CNTN5: variants seen among roughly 807,000 people sequenced by gnomAD.
The protein encoded by CNTN5 is contactin 5, also known as contactin-5.
CNTN5 carries 77 observed loss-of-function variants against 129.1 expected under a neutral mutation model. The ratio of observed to expected loss-of-function variants is 0.60; its 90% CI spans 0.50 to 0.72. The LOEUF is 0.72. Among genes scored for constraint, CNTN5 ranks in the 30% least tolerant of loss-of-function variants. CNTN5 has a pLI of 0.00. For synonymous variants in CNTN5, 509 were observed against 465.6 expected (o/e 1.09, Z -1.20); for missense variants, 1,478 against 1,328.8 (o/e 1.11, Z -1.75).
chr11:99,228,112 A>G (rs1322563596), intron 1 of CNTN5, among the ~76,000 whole-genome samples: 1 of 152,168 alleles, frequency 6.6e-6, no homozygotes, highest in Non-Finnish European at 1.5e-5. Flanking sequence ...ATTCTGACAC[A>G]TAACCATAAT....
chr11:99,325,933 A>T (rs1197903661), intron 2 of CNTN5, among the ~76,000 whole-genome samples: 1 of 152,198 alleles, frequency 6.6e-6, no homozygotes, highest in African/African-American at 2.4e-5. Context: ...AAGTTAAATA[A>T]GCAGGAAGTC....
chr11:100,174,704 A>C (rs551294090), intron 13 of CNTN5, among the ~76,000 whole-genome samples: 1 of 152,224 alleles, frequency 6.6e-6, no homozygotes, highest in East Asian at 1.9e-4. Flanking sequence ...TCCAGCTGAC[A>C]AAAAGGCGGC....
At chr11:99,863,605 A>G (rs1332309036) in intron 6 of CNTN5, among the ~76,000 whole-genome samples, 1 of 152,150 alleles carries the variant, frequency 6.6e-6, no homozygotes, top group Non-Finnish European at 1.5e-5. Context: ...GCCTATTGTA[A>G]TTAATTGTTG....
At chr11:99,470,946 A>C (rs1945147983) in intron 2 of CNTN5, among the ~76,000 whole-genome samples, 1 of 152,036 alleles carries the variant, frequency 6.6e-6, no homozygotes, top group Non-Finnish European at 1.5e-5. Context: ...TATTCCTGTA[A>C]GTCTTCATTA....
intron 3 of CNTN5, among the ~76,000 whole-genome samples, chr11:99,683,074 T>C (rs532139487): frequency 6.6e-6 from 1 of 152,080 alleles, no homozygotes; most frequent in East Asian, 1.9e-4. Context: ...GTTGATTTCA[T>C]GTATTGTAAA....
intron 1 of CNTN5, among the ~76,000 whole-genome samples, chr11:99,314,385 T>A (rs1286700015): frequency 6.6e-6 from 1 of 152,224 alleles, no homozygotes; most frequent in East Asian, 1.9e-4. Context: ...TGAAGTGCCA[T>A]TTCATTTATT....
At chr11:99,715,593 A>G (rs1409436645) in intron 3 of CNTN5, among the ~76,000 whole-genome samples, 5 of 152,020 alleles carry the variant, frequency 3.3e-5, no homozygotes, top group Middle Eastern at 3.2e-3. Context: ...ATACTCCCCA[A>G]AATGTCTAGG....
At chr11:100,134,516 G>A (rs577027498) in intron 13 of CNTN5, among the ~76,000 whole-genome samples, 34 of 152,228 alleles carry the variant, frequency 2.2e-4, no homozygotes, top group African/African-American at 6.3e-4. Flanking sequence ...TGATAAACTG[G>A]AGTTTTATTA....
intron 1 of CNTN5, among the ~76,000 whole-genome samples, chr11:99,127,657 G>A (rs936511489): frequency 1.1e-4 from 17 of 151,976 alleles, no homozygotes; most frequent in East Asian, 5.8e-4. Flanking sequence ...CTATTCCTTC[G>A]GCTCTTTGCA....
At chr11:100,258,998 G>A (rs1950139621) in intron 17 of CNTN5, among the ~76,000 whole-genome samples, 1 of 152,084 alleles carries the variant, frequency 6.6e-6, no homozygotes, top group Non-Finnish European at 1.5e-5. Flanking sequence ...GACACAGACT[G>A]GCAAATTGGA....
intron 10 of CNTN5, among the ~76,000 whole-genome samples, chr11:100,065,967 C>T (rs936387868): frequency 6.6e-6 from 1 of 151,866 alleles, no homozygotes; most frequent in East Asian, 1.9e-4. Flanking sequence ...ATTGTTGATT[C>T]CTGGTTAATA....
chr11:99,039,137 T>G (rs1381637027), intron 1 of CNTN5, among the ~76,000 whole-genome samples: 1 of 152,162 alleles, frequency 6.6e-6, no homozygotes, highest in Non-Finnish European at 1.5e-5. Context: ...GTCCATTAAT[T>G]CAATTTCATA....
chr11:99,232,704 A>C (rs1038040592), intron 1 of CNTN5, among the ~76,000 whole-genome samples: 1 of 152,166 alleles, frequency 6.6e-6, no homozygotes, highest in African/African-American at 2.4e-5. Context: ...AGGGATATAA[A>C]TATTTTATAA....
chr11:99,113,498 A>G (rs978046648), intron 1 of CNTN5, among the ~76,000 whole-genome samples: 15 of 152,218 alleles, frequency 9.9e-5, no homozygotes, highest in Non-Finnish European at 2.1e-4. Flanking sequence ...ACTGTTGGCA[A>G]CTAAGACTCA....
chr11:99,857,031 T>C (rs1281375508), intron 6 of CNTN5, among the ~76,000 whole-genome samples: 2 of 149,208 alleles, frequency 1.3e-5, no homozygotes, highest in South Asian at 2.1e-4. Context: ...TCTATCTCTA[T>C]CTCCCTCTCT....
intron 7 of CNTN5, among the ~76,000 whole-genome samples, chr11:99,919,274 C>CT (rs1231685353): frequency 6.6e-6 from 1 of 151,842 alleles, no homozygotes; most frequent in African/African-American, 2.4e-5. Context: ...TGTAGTTCAT[C>CT]TTTTTTTGCC....
chr11:99,296,932 G>A (rs1236893967), intron 1 of CNTN5, among the ~76,000 whole-genome samples: 1 of 152,158 alleles, frequency 6.6e-6, no homozygotes, highest in Non-Finnish European at 1.5e-5. Context: ...ACAAGGTTAT[G>A]CAGATATTAA....
intron 2 of CNTN5, among the ~76,000 whole-genome samples, chr11:99,406,092 T>A (rs1942051430): frequency 6.6e-6 from 1 of 152,026 alleles, no homozygotes; most frequent in African/African-American, 2.4e-5. Context: ...TTTTCCTGGC[T>A]TGTCTTGATA....
At chr11:99,086,032 A>G (rs1243065807) in intron 1 of CNTN5, among the ~76,000 whole-genome samples, 1 of 152,250 alleles carries the variant, frequency 6.6e-6, no homozygotes, top group East Asian at 1.9e-4. Context: ...TTAAAACCAG[A>G]TAATCAGTAT....
Sources: allele counts gnomAD v4.1 joint callset (sites outside exome capture counted in the v4.1 genomes callset), GRCh38; gene constraint gnomAD v4.1.1; transcripts MANE v1.5; gene names NCBI Gene and HGNC (gene_info 2026-07-23, HGNC 2026-07-21).